XRCC4: variants seen among roughly 807,000 people sequenced by gnomAD.
XRCC4 encodes the protein DNA repair protein XRCC4.
Under a neutral mutation model 39.1 loss-of-function variants are expected in XRCC4, and 28 were observed. The observed-to-expected ratio is 0.72, with a 90% confidence interval of 0.53 to 0.98. The LOEUF is 0.98. Ranked by LOEUF, XRCC4 falls within the 50% of genes least tolerant of loss-of-function variation. The pLI, the probability that XRCC4 is intolerant of heterozygous loss-of-function variation, is 0.00. For synonymous variants in XRCC4, 123 were observed against 126.4 expected (o/e 0.97, Z 0.18); for missense variants, 350 against 376.4 (o/e 0.93, Z 0.58).
intron 3 of XRCC4, among the ~76,000 whole-genome samples, chr5:83,171,491 A>AT (rs990587123): frequency 6.6e-6 from 1 of 152,122 alleles, no homozygotes; most frequent in African/African-American, 2.4e-5. Flanking sequence ...TTAAAAAAAA[A>AT]ATCTAAGTTT....
intron 6 of XRCC4, among the ~76,000 whole-genome samples, chr5:83,231,845 C>A (rs549484220): frequency 3.3e-5 from 5 of 152,202 alleles, no homozygotes; most frequent in African/African-American, 1.2e-4. Flanking sequence ...CCCTTACTCA[C>A]TGATTCATTG....
rs28360175 is a variant in XRCC4, at chr5:83,221,223, A to G, written c.745+16302A>G. Among the ~76,000 whole-genome samples the G allele has an allele frequency of 7.4e-3, 1,124 of 152,288 alleles. 5 individuals carry two copies. The highest frequency in any genetic ancestry group is 0.011 in the Non-Finnish European group (759 of 68,010). Reference sequence around the variant, plus strand: ...TATTTTTTATTATGGCATCACTACCACAACTGCTACAGACTCATTAATTTA... The same window carrying G: ...TATTTTTTATTATGGCATCACTACCGCAACTGCTACAGACTCATTAATTTA... On this transcript the variant is annotated intron_variant, in intron 6 of 7. Transcript: ENST00000396027.
At chr5:83,344,538 A>G (rs1756865232) in intron 7 of XRCC4, among the ~76,000 whole-genome samples, 1 of 147,910 alleles carries the variant, frequency 6.8e-6, no homozygotes. Flanking sequence ...CCAAAGTGTT[A>G]GGATACAAGT....
intron 7 of XRCC4, among the ~76,000 whole-genome samples, chr5:83,314,326 T>C (rs1467651751): frequency 6.6e-6 from 1 of 152,200 alleles, no homozygotes; most frequent in Non-Finnish European, 1.5e-5. Flanking sequence ...GAAAACCATT[T>C]GGTTGCACAA....
intron 1 of XRCC4, among the ~76,000 whole-genome samples, chr5:83,101,053 A>T (rs1479479412): frequency 6.6e-6 from 1 of 152,074 alleles, no homozygotes; most frequent in Non-Finnish European, 1.5e-5. Flanking sequence ...ATATTTAAAA[A>T]TTTTACATGC....
At chr5:83,294,356 G>C (rs301293) in intron 7 of XRCC4, among the ~76,000 whole-genome samples, 31 of 151,888 alleles carry the variant, frequency 2.0e-4, no homozygotes, top group Non-Finnish European at 3.8e-4. Flanking sequence ...TTGGTATTTT[G>C]AACAAAAAAT....
chr5:83,126,287 T>C (rs1414528554), intron 3 of XRCC4, among the ~76,000 whole-genome samples: 3 of 152,158 alleles, frequency 2.0e-5, no homozygotes, highest in Admixed American at 1.3e-4. Context: ...AGTGGTATTA[T>C]ATTTTTAATT....
At chr5:83,144,301 G>GTGTA (rs1554058233) in intron 3 of XRCC4, among the ~76,000 whole-genome samples, 13 of 148,584 alleles carry the variant, frequency 8.7e-5, no homozygotes, top group African/African-American at 2.8e-4. Flanking sequence ...GTGTGTGTGT[G>GTGTA]TGTGTAAAAT....
intron 6 of XRCC4, among the ~76,000 whole-genome samples, chr5:83,222,624 C>T (rs1752128461): frequency 1.3e-5 from 2 of 152,214 alleles, no homozygotes; most frequent in Admixed American, 1.3e-4. Context: ...AATTTTCATG[C>T]ATTTGTACAG....
chr5:83,202,663 T>G (rs1243236952), intron 4 of XRCC4, among the ~76,000 whole-genome samples: 1 of 152,076 alleles, frequency 6.6e-6, no homozygotes, highest in Non-Finnish European at 1.5e-5. Context: ...CTAGGATACC[T>G]GTAAAACAAC....
intron 2 of XRCC4, among the ~76,000 whole-genome samples, chr5:83,110,569 A>G (rs971686723): frequency 5.3e-5 from 8 of 152,036 alleles, no homozygotes; most frequent in African/African-American, 1.9e-4. Context: ...GGCACATGAT[A>G]TGAGAATAGT....
intron 3 of XRCC4, among the ~76,000 whole-genome samples, chr5:83,133,453 C>T (rs6452521): frequency 0.48 from 73,283 of 151,680 alleles, 18,628 homozygotes; most frequent in African/African-American, 0.63. Context: ...GAAGTTTCTG[C>T]TGCCTTTTGT....
intron 6 of XRCC4, among the ~76,000 whole-genome samples, chr5:83,227,544 C>G (rs916704872): frequency 2.0e-5 from 3 of 152,004 alleles, no homozygotes; most frequent in African/African-American, 7.2e-5. Context: ...CTGGTTAACA[C>G]TCTGCTTCAT....
Position 83,141,723 on chromosome 5 carries a change from A to T in XRCC4, c.315+30520A>T, listed in dbSNP as rs566576890. On this transcript the variant is annotated intron_variant, in intron 3 of 7. Coordinates refer to ENST00000396027, the MANE Select transcript of XRCC4 (RefSeq NM_003401.5). ...ATTAGGGACATTAACACTTTATTTG[A>T]GTACTACTTATTTTGAAGTGTTCCA... Among the ~76,000 whole-genome samples, 44 of 151,752 alleles carry T rather than the reference A, an allele frequency of 2.9e-4. No homozygotes were observed. The South Asian group carries it at 7.5e-3, about 26-fold the overall frequency.
At chr5:83,152,161 A>C (rs1394090332) in intron 3 of XRCC4, among the ~76,000 whole-genome samples, 1 of 152,266 alleles carries the variant, frequency 6.6e-6, no homozygotes, top group Non-Finnish European at 1.5e-5. Context: ...AAGATTAACA[A>C]ATGTTAATTC....
chr5:83,258,483 A>T, intron 6 of XRCC4, 47 bp from the exon 7 acceptor site: 2 of 1,584,332 alleles, frequency 1.3e-6, no homozygotes, highest in Non-Finnish European at 8.6e-7. Context: ...CTTACAAATG[A>T]TGTGCATAAT....
At chr5:83,363,568 A>G in the XRCC4 span, among the ~76,000 whole-genome samples, 1 of 152,096 alleles carries the variant, frequency 6.6e-6, no homozygotes, top group Non-Finnish European at 1.5e-5. Context: ...GAAACTGTCA[A>G]ACTCCACTTC....
intron 7 of XRCC4, among the ~76,000 whole-genome samples, chr5:83,302,565 T>A (rs1755328442): frequency 6.6e-6 from 1 of 152,162 alleles, no homozygotes; most frequent in South Asian, 2.1e-4. Context: ...GTACCTCAGT[T>A]GGAAATGCAG....
intron 7 of XRCC4, among the ~76,000 whole-genome samples, chr5:83,291,110 G>A (rs577271602): frequency 1.5e-4 from 22 of 151,658 alleles, no homozygotes. Context: ...TTTCTGAAAT[G>A]TATGACAGTT....
Sources: gnomAD v4.1 joint callset for allele counts (sites outside exome capture counted in the v4.1 genomes callset) on GRCh38, gnomAD v4.1.1 for gene constraint, MANE v1.5 for transcripts, NCBI Gene and HGNC (gene_info 2026-07-23, HGNC 2026-07-21) for gene names.